The following ACHE variants were observed in gnomAD, a reference collection of about 807,000 sequenced individuals.
ACHE encodes the protein acetylcholinesterase.
ACHE carries 19 observed loss-of-function variants against 53.9 expected under a neutral mutation model. The ratio of observed to expected loss-of-function variants is 0.35; its 90% confidence interval spans 0.25 to 0.52. The LOEUF (loss-of-function observed/expected upper bound fraction) is 0.52. ACHE is among the 20% of genes least tolerant of loss of function. The pLI, the probability that ACHE is intolerant of heterozygous loss-of-function variation, is 0.95. For synonymous variants in ACHE, 392 were observed against 378.1 expected (o/e 1.04, Z -0.43); for missense variants, 605 against 849.4 (o/e 0.71, Z 3.58).
chr7:100,893,525 T>C lies in ACHE; in HGVS notation c.708A>G (p.Gly236=), dbSNP rs754080754. ...GCAGGTGCATGCCCACCGAGGCGGC[T>C]CCCGCGCTCTCCCCAAACAGCGTCA... The part of the protein sequence containing the change: ...TSVTLFGESA[G]AASVGMHLLS... Residue 236 remains glycine, a synonymous_variant, in exon 2 of 5, where the codon GGA becomes GGG. Coordinates refer to ENST00000241069, the MANE Select transcript of ACHE (RefSeq NM_000665.5). The C allele has an allele frequency of 1.9e-6, 3 of 1,609,378 alleles. No individual in the cohort carries two copies. The highest frequency in any genetic ancestry group is 2.2e-5 in the South Asian group (2 of 91,056).
At chr7:100,893,108 G>A in intron 2 of ACHE, 57 bp downstream of exon 2, 1 of 1,537,152 alleles carries the variant, frequency 6.5e-7, no homozygotes, top group South Asian at 1.2e-5. Context: ...CTGCAGGGAG[G>A]GGAGGGACCG....
chr7:100,890,606 G>T, intron 4 of ACHE: 1 of 1,385,048 alleles, frequency 7.2e-7, no homozygotes, highest in Non-Finnish European at 9.3e-7. Flanking sequence ...GGGGACAGGA[G>T]GGGGAGGTTG....
intron 4 of ACHE, chr7:100,890,551 G>A: frequency 5.0e-6 from 7 of 1,401,218 alleles, no homozygotes; most frequent in African/African-American, 1.4e-5. Flanking sequence ...AGGACAGCAG[G>A]AAGGAGAGAG....
rs1198523915 is a variant in ACHE at position 100,894,255 on chromosome 7, G to A, written c.-20-3C>T. Reference sequence around the variant, plus strand: ...CATGGCTGCAGGGCAGGCGGCGTCTGCTGGGAGAAAGAAAGGGAAAGGGTG... The same window carrying A: ...CATGGCTGCAGGGCAGGCGGCGTCTACTGGGAGAAAGAAAGGGAAAGGGTG... On this transcript the variant is annotated splice_polypyrimidine_tract_variant and splice_region_variant and intron_variant, in intron 1 of 4. Coordinates refer to ENST00000241069, the MANE Select transcript of ACHE (RefSeq NM_000665.5). 3 of 1,421,266 alleles carry A rather than the reference G, an allele frequency of 2.1e-6. No individual in the cohort carries two copies. Among genetic ancestry groups the A allele is most frequent in the Middle Eastern group, 2.0e-4 (1 of 5,126 alleles). 88.0% of individuals were successfully genotyped at this position (1,421,266 alleles called of 1,614,324 possible). A position where few individuals can be genotyped will look rare whatever the true frequency, so the allele number is the denominator to read the frequency against.
Position 100,893,449 on chromosome 7 carries a change from C to A in ACHE, c.784G>T (p.Ala262Ser), listed in dbSNP as rs1190147010. Residue 262 changes from alanine to serine, a missense_variant, in exon 2 of 5, where the codon GCC becomes TCC. Coordinates refer to ENST00000241069, the MANE Select transcript of ACHE (RefSeq NM_000665.5). ...ACCGTGGCCCAGGGTCCATTGGGGGCACCGCTCTGCAGCACGGCCCTGTGG... is the reference window on the plus strand; with the variant it reads ...ACCGTGGCCCAGGGTCCATTGGGGGAACCGCTCTGCAGCACGGCCCTGTGG... ...LFHRAVLQSGAPNGPWATVGM... is the reference protein window; with the variant it reads ...LFHRAVLQSGSPNGPWATVGM... The A allele has an allele frequency of 6.2e-7, 1 of 1,607,906 alleles. No homozygotes were observed. Among genetic ancestry groups the A allele is most frequent in the Non-Finnish European group, 8.5e-7 (1 of 1,179,308 alleles).
Position 100,892,911 on chromosome 7 carries a change from G to A in ACHE, c.1069-93C>T. The stretch of plus-strand genomic sequence containing the variant: ...TGGACAGACAAAGAGCCAGAGAGAT[G>A]AACAGTTACAGACCCGGAACCATGG... On this transcript the variant is annotated intron_variant, in intron 2 of 4. Transcript: ENST00000241069. The surrounding 1 kb of genome is among the most constrained non-coding windows in gnomAD (Gnocchi z 5.2). 7.0e-7 allele frequency: 1 copy of A among 1,430,368 alleles called. No homozygotes were observed. The highest frequency in any genetic ancestry group is 9.3e-7 in the Non-Finnish European group (1 of 1,079,398). The allele number at this position is 1,430,368 out of a possible 1,614,324, so 88.6% of individuals were successfully genotyped here.
chr7:100,896,656 C>T, upstream of ACHE: 2 of 303,632 alleles, frequency 6.6e-6, no homozygotes, highest in Non-Finnish European at 1.4e-5. Context: ...TGGGTCTGTG[C>T]TGGTTCCCTG....
chr7:100,890,692 C>A, intron 4 of ACHE: 2 of 1,326,240 alleles, frequency 1.5e-6, no homozygotes, highest in Non-Finnish European at 1.9e-6. Context: ...GGGCCTCCCA[C>A]TTCCCCCCAA....
rs1331623503 is a variant in ACHE, at chr7:100,892,022, A to G, written c.1553+312T>C. Among the ~76,000 whole-genome samples the G allele has an allele frequency of 6.6e-6, 1 of 151,786 alleles. No homozygotes were observed. The highest frequency in any genetic ancestry group is 1.5e-5 in the Non-Finnish European group (1 of 67,926). On this transcript the variant is annotated intron_variant, in intron 3 of 4. Transcript: ENST00000241069. This position sits in a 1 kb window ranked among gnomAD's most constrained non-coding sequence, Gnocchi z 5.2. ...AGTCTGGTCTCAAACTCCTGGCCTC[A>G]GGGGATCCTCCCACCTTGGCCTCCC...
In ACHE at chr7:100,890,009, A is replaced by T. The variant is rs1354496665; in HGVS notation, c.*205T>A. The T allele has an allele frequency of 5.4e-6, 3 of 551,218 alleles. No individual in the cohort carries two copies. Among genetic ancestry groups the T allele is most frequent in the Non-Finnish European group, 9.5e-6 (3 of 316,884 alleles). The allele number at this position is 551,218 out of a possible 1,614,324, so 34.1% of individuals were successfully genotyped here. A position where few individuals can be genotyped will look rare whatever the true frequency, so the allele number is the denominator to read the frequency against. ...CACACTCCCGTGGCTGTAACAGTTT[A>T]TTGGCAGCCCAGAGGGGCGAAGGCA... On this transcript the variant is annotated 3_prime_UTR_variant, in exon 5 of 5. Transcript: ENST00000241069.
In ACHE at chr7:100,893,374, C is replaced by A. The variant is rs1160342193; in HGVS notation, c.859G>T (p.Gly287Cys). The A allele has an allele frequency of 6.2e-7, 1 of 1,613,370 alleles. No homozygotes were observed. The highest frequency in any genetic ancestry group is 1.3e-5 in the African/African-American group (1 of 74,940). The change falls in exon 2 of 5, where the codon GGC becomes TGC. Residue 287 changes from glycine (G) to cysteine (C), a missense_variant. Gly to Cys is a radical substitution (Grantham distance 159). This residue lies in a region of ACHE where 397 missense variants were observed against 632.5 expected (regional missense o/e 0.63). Coordinates refer to ENST00000241069, the MANE Select transcript of ACHE (RefSeq NM_000665.5). ...RRATQLAHLVGCPPGGTGGND... is the reference protein window; with the variant it reads ...RRATQLAHLVCCPPGGTGGND... ...CCACCAGTGCCGCCTGGAGGACAGC[C>A]CACAAGGTGGGCCAGCTGCGTGGCC...
intron 4 of ACHE, chr7:100,890,619 G>A: frequency 1.5e-6 from 2 of 1,369,224 alleles, no homozygotes; most frequent in East Asian, 2.8e-5. Context: ...GGAGGTTGGG[G>A]GAAAAAGAAG....
chr7:100,891,330 T>C lies in ACHE; in HGVS notation c.1562A>G (p.Asn521Ser), dbSNP rs769544583. 6.4e-6 allele frequency: 10 copies of C among 1,551,334 alleles called. No homozygotes were observed. Among genetic ancestry groups the C allele is most frequent in the African/African-American group, 1.4e-5 (1 of 72,602 alleles). ...TGGGGCCTTGGGGTCTCGGGGCTCATTGGGATCCCTGCGGAAGGAAGGGAA... is the reference window on the plus strand; with the variant it reads ...TGGGGCCTTGGGGTCTCGGGGCTCACTGGGATCCCTGCGGAAGGAAGGGAA... ...WANFARTGDP[N>S]EPRDPKAPQW... Residue 521 changes from asparagine (N) to serine (S), a missense_variant, in exon 4 of 5, where the codon AAT becomes AGT. Asn to Ser is a conservative substitution (Grantham distance 46, BLOSUM62 1). Transcript: ENST00000241069.
At chr7:100,890,506 G>T in intron 4 of ACHE, 171 bp from the exon 5 acceptor site, 1 of 1,443,092 alleles carries the variant, frequency 6.9e-7, no homozygotes, top group Non-Finnish European at 9.1e-7. Context: ...TGCGAAAGAC[G>T]AGAGGGAGGA....
In ACHE at chr7:100,893,180, G is replaced by T. The variant is rs763970378; in HGVS notation, c.1053C>A (p.Asp351Glu). Residue 351 changes from aspartate to glutamate, a missense_variant, in exon 2 of 5, where the codon GAC (aspartate) becomes GAA (glutamate). By Grantham distance (45) the Asp-to-Glu change is conservative. Transcript: ENST00000241069. ...DTPEALINAG[D>E]FHGLQVLVGV... ...CACTAGTTACCTGCAGGCCGTGGAAGTCTCCCGCGTTGATGAGGGCCTCTG... is the reference window on the plus strand; with the variant it reads ...CACTAGTTACCTGCAGGCCGTGGAATTCTCCCGCGTTGATGAGGGCCTCTG... The T allele has an allele frequency of 6.2e-7, 1 of 1,613,984 alleles. No individual in the cohort carries two copies. Among genetic ancestry groups the T allele is most frequent in the East Asian group, 2.2e-5 (1 of 44,862 alleles).
intron 4 of ACHE, chr7:100,890,891 C>A: frequency 8.9e-6 from 13 of 1,464,880 alleles, no homozygotes; most frequent in Non-Finnish European, 1.1e-5. Context: ...CTGAGTGGGG[C>A]CCTTCCCCAC....
rs1032323197 is a variant in ACHE at position 100,890,240 on chromosome 7, T to G, written c.1819A>C (p.Lys607Gln). 6.2e-7 allele frequency: 1 copy of G among 1,613,962 alleles called. No individual in the cohort carries two copies. Among genetic ancestry groups the G allele is most frequent in the South Asian group, 1.1e-5 (1 of 91,066 alleles). The change falls in exon 5 of 5, where the codon AAG (lysine) becomes CAG (glutamine). Residue 607 changes from lysine (K) to glutamine (Q), a missense_variant. Lys to Gln is a moderately conservative substitution (Grantham distance 53, BLOSUM62 1). Around this residue, in one of 4 missense-constraint regions of ACHE, gnomAD observed 28 missense variants for 54.8 expected, o/e 0.51. Coordinates refer to ENST00000241069, the MANE Select transcript of ACHE (RefSeq NM_000665.5). ...CACAGGTCTGAGCAGCGATCCTGCT[T>G]GCTGTAGTGGTCGAACTGGTTCTTC... ...HWKNQFDHYS[K>Q]QDRCSDL is the part of the protein sequence containing the mutation.
chr7:100,895,351 G>C (rs1351398763), intron 1 of ACHE, among the ~76,000 whole-genome samples: 1 of 152,058 alleles, frequency 6.6e-6, no homozygotes, highest in Non-Finnish European at 1.5e-5. Flanking sequence ...CCAAAAAATA[G>C]AGATGGAGTC....
upstream of ACHE, chr7:100,896,571 G>A (rs756670343): frequency 5.9e-5 from 15 of 253,112 alleles, no homozygotes; most frequent in Non-Finnish European, 1.2e-4. Context: ...GCAGGACAGC[G>A]TGGTAGCACG....
Sources: allele counts gnomAD v4.1 joint callset (sites outside exome capture counted in the v4.1 genomes callset), GRCh38; gene constraint gnomAD v4.1.1; regional missense constraint gnomAD v4.1.1; non-coding constraint Gnocchi (gnomAD v3.1); transcripts MANE v1.5; gene names NCBI Gene and HGNC (gene_info 2026-07-23, HGNC 2026-07-21).